CCDC192: variants seen among roughly 807,000 people sequenced by gnomAD.
CCDC192 encodes coiled-coil domain-containing protein 192.
At chr5:127,940,048 G>GT (rs1754335672) in intron 6 of CCDC192, among the ~76,000 whole-genome samples, 2 of 152,226 alleles carry the variant, frequency 1.3e-5, no homozygotes, top group African/African-American at 2.4e-5. Flanking sequence ...CTAAAGGCTA[G>GT]TAAGATGGAC....
intron 6 of CCDC192, among the ~76,000 whole-genome samples, chr5:127,915,564 G>A (rs531171587): frequency 6.6e-6 from 1 of 152,276 alleles, no homozygotes; most frequent in Non-Finnish European, 1.5e-5. Flanking sequence ...TGTATTTTGA[G>A]TAGAGACAGG....
intron 6 of CCDC192, among the ~76,000 whole-genome samples, chr5:127,933,452 C>T (rs1179713455): frequency 6.6e-6 from 1 of 152,156 alleles, no homozygotes; most frequent in African/African-American, 2.4e-5. Flanking sequence ...TCAGACTGAG[C>T]ATAAGAAGTA....
intron 3 of CCDC192, among the ~76,000 whole-genome samples, chr5:127,776,209 A>G (rs1374129915): frequency 2.0e-5 from 3 of 152,208 alleles, no homozygotes; most frequent in Non-Finnish European, 4.4e-5. Flanking sequence ...AAATGCTAAC[A>G]ATTATATCTA....
chr5:127,737,737 A>T (rs1333400302), intron 2 of CCDC192, among the ~76,000 whole-genome samples: 2 of 151,564 alleles, frequency 1.3e-5, no homozygotes, highest in Non-Finnish European at 2.9e-5. Context: ...GTTTTATCAG[A>T]GACTAGGTTT....
At chr5:127,809,108 G>C (rs1757944525) in intron 5 of CCDC192, among the ~76,000 whole-genome samples, 1 of 152,014 alleles carries the variant, frequency 6.6e-6, no homozygotes, top group African/African-American at 2.4e-5. Flanking sequence ...AACTTTTGCT[G>C]TTCTCTTGAT....
Position 127,826,465 on chromosome 5 carries a change from A to G in CCDC192, c.411+28303A>G, listed in dbSNP as rs1336694591. 2.6e-5 allele frequency among the ~76,000 whole-genome samples: 4 copies of G among 152,014 alleles called. No homozygotes were observed. The South Asian group carries it at 6.2e-4, about 24-fold the overall frequency. Reference sequence around the variant, plus strand: ...CATCCAAAAGAAAACCAATCTTTCTACTGAGAAAACATGTAGGTTCATCAC... The same window carrying G: ...CATCCAAAAGAAAACCAATCTTTCTGCTGAGAAAACATGTAGGTTCATCAC... On this transcript the variant is annotated intron_variant, in intron 5 of 6. Transcript: ENST00000514853.
intron 3 of CCDC192, among the ~76,000 whole-genome samples, chr5:127,796,758 G>A (rs1473824222): frequency 6.6e-6 from 1 of 152,060 alleles, no homozygotes; most frequent in Non-Finnish European, 1.5e-5. Flanking sequence ...CAGAATACAA[G>A]TTTCAGATTC....
chr5:127,715,551 C>T (rs2043060530), intron 2 of CCDC192, among the ~76,000 whole-genome samples: 1 of 152,024 alleles, frequency 6.6e-6, no homozygotes, highest in African/African-American at 2.4e-5. Flanking sequence ...ATCAAGATTG[C>T]TTTGGCTGTT....
At chr5:127,709,202 G>GGAGAGAGAGAGAGAGAGAGA (rs201676720) in intron 2 of CCDC192, among the ~76,000 whole-genome samples, 1 of 85,698 alleles carries the variant, frequency 1.2e-5, no homozygotes, top group Non-Finnish European at 2.1e-5. Flanking sequence ...GGAGAGAGGG[G>GGAGAGAGAGAGAGAGAGAGA]GAGAGAGAGA....
chr5:127,846,836 A>G (rs1184068032), intron 5 of CCDC192, among the ~76,000 whole-genome samples: 2 of 150,850 alleles, frequency 1.3e-5, no homozygotes, highest in Non-Finnish European at 3.0e-5. Context: ...AAAAAAAAAA[A>G]AAAAAAAAAC....
chr5:127,863,567 AGTT>A (rs1751463711), intron 5 of CCDC192, among the ~76,000 whole-genome samples: 1 of 152,212 alleles, frequency 6.6e-6, no homozygotes, highest in Non-Finnish European at 1.5e-5. Flanking sequence ...AGAAACAGGT[AGTT>A]GTTGTCTATG....
At chr5:127,901,166 A>G (rs116512113) in intron 6 of CCDC192, among the ~76,000 whole-genome samples, 46 of 152,222 alleles carry the variant, frequency 3.0e-4, no homozygotes, top group African/African-American at 1.1e-3. Flanking sequence ...AAAAAGATGA[A>G]CTCTTTCTTT....
intron 3 of CCDC192, among the ~76,000 whole-genome samples, chr5:127,765,498 T>C (rs1009661002): frequency 1.3e-5 from 2 of 152,226 alleles, no homozygotes; most frequent in African/African-American, 4.8e-5. Context: ...TCAGTAGATA[T>C]AGCCCACATT....
intron 2 of CCDC192, among the ~76,000 whole-genome samples, chr5:127,735,459 T>G (rs77446749): frequency 0.3 from 38,234 of 128,590 alleles, 6,391 homozygotes; most frequent in Middle Eastern, 0.38. Context: ...TTCCAATTCT[T>G]TGAAGAAAGT....
chr5:127,735,445 T>C (rs1172469184), intron 2 of CCDC192, among the ~76,000 whole-genome samples: 2 of 144,794 alleles, frequency 1.4e-5, no homozygotes, highest in Non-Finnish European at 3.0e-5. Flanking sequence ...TTTAAAGTAG[T>C]TTTTTCCAAT....
At chr5:127,904,495 CT>C (rs11344791) in intron 6 of CCDC192, among the ~76,000 whole-genome samples, 5,383 of 115,768 alleles carry the variant, frequency 0.046, 282 homozygotes, top group African/African-American at 0.17. Flanking sequence ...TTGGCAGAGA[CT>C]TTTTTTTTTT....
chr5:127,910,984 T>A (rs1288864920), intron 6 of CCDC192, among the ~76,000 whole-genome samples: 1 of 152,214 alleles, frequency 6.6e-6, no homozygotes, highest in Non-Finnish European at 1.5e-5. Context: ...TGACTTATAT[T>A]AACCAACTGA....
Position 127,737,204 on chromosome 5 carries a change from G to C in CCDC192, c.115-17064G>C, listed in dbSNP as rs1753067491. On this transcript the variant is annotated intron_variant, in intron 2 of 6. Transcript: ENST00000514853. ...CATTATGTACCCAGTAGTCATTCAG[G>C]AGCAGGTTGTTCAGTTTCCATGTAG... Among the ~76,000 whole-genome samples, 4 of 152,098 alleles carry C rather than the reference G, an allele frequency of 2.6e-5. No individual in the cohort carries two copies. In the South Asian group the frequency reaches 8.3e-4, roughly 32 times the overall value.
At chr5:127,933,729 C>A (rs191999116) in intron 6 of CCDC192, among the ~76,000 whole-genome samples, 1 of 152,234 alleles carries the variant, frequency 6.6e-6, no homozygotes, top group Non-Finnish European at 1.5e-5. Context: ...CAGTGGGTTG[C>A]TATTAAAAGG....
Sources: gnomAD v4.1 joint callset for allele counts (sites outside exome capture counted in the v4.1 genomes callset) on GRCh38, gnomAD v4.1.1 for gene constraint, MANE v1.5 for transcripts, NCBI Gene and HGNC (gene_info 2026-07-23, HGNC 2026-07-21) for gene names.